JMJD1C: variants seen among roughly 807,000 people sequenced by gnomAD.
The protein encoded by JMJD1C is jumonji domain containing 1C.
A neutral mutation model predicts 245.3 loss-of-function variants in JMJD1C; 31 were observed. The ratio of observed to expected loss-of-function variants is 0.13; its 90% CI spans 0.09 to 0.17. The LOEUF (loss-of-function observed/expected upper bound fraction) is 0.17, where lower values mean the gene tolerates loss of function less well. JMJD1C is among the 10% of genes least tolerant of loss of function. The pLI is 1.00. For synonymous variants in JMJD1C, 1,057 were observed against 1,017.4 expected, an observed-to-expected ratio of 1.04 and a Z score of -0.74; for missense variants, 2,691 against 3,000.2, an observed-to-expected ratio of 0.90 and a Z score of 2.41.
chr10:63,392,073 C>T (rs1260853963), intron 1 of JMJD1C, among the ~76,000 whole-genome samples: 2 of 152,184 alleles, frequency 1.3e-5, no homozygotes, highest in African/African-American at 4.8e-5. Flanking sequence ...CACCGTCTCA[C>T]AGCCAACAGA....
At position 63,404,544 on chromosome 10, in the gene JMJD1C, G is replaced by C. The variant is rs536985585; in HGVS notation, c.169-24062C>G. Among the ~76,000 whole-genome samples, 48 of 152,152 alleles carry C rather than the reference G, an allele frequency of 3.2e-4. 1 individual carries two copies. Among genetic ancestry groups the C allele is most frequent in the South Asian group, 1.0e-3 (5 of 4,826 alleles). ...CTATAGCTACGTGCTAGCATACCCA[G>C]TAAGTATTAAGATATATTTGAGATT... is the stretch of plus-strand genomic sequence containing the variant. On this transcript the variant is annotated intron_variant, in intron 1 of 25. Coordinates refer to ENST00000399262, the MANE Select transcript of JMJD1C (RefSeq NM_032776.3).
chr10:63,266,181 C>T (rs541682776), intron 2 of JMJD1C, among the ~76,000 whole-genome samples: 5 of 151,988 alleles, frequency 3.3e-5, no homozygotes, highest in East Asian at 1.9e-4. Context: ...CACTTATTTT[C>T]GATATTTAAG....
At chr10:63,377,359 A>G (rs1946826094) in intron 2 of JMJD1C, among the ~76,000 whole-genome samples, 1 of 152,192 alleles carries the variant, frequency 6.6e-6, no homozygotes, top group Admixed American at 6.5e-5. Context: ...CTTACTACCA[A>G]TGACCCGTGT....
intron 1 of JMJD1C, among the ~76,000 whole-genome samples, chr10:63,404,114 C>CA (rs779807728): frequency 6.6e-4 from 92 of 139,268 alleles, no homozygotes; most frequent in Admixed American, 8.6e-4. Flanking sequence ...GACTCCATCT[C>CA]AAAAAAAAAA....
At chr10:63,264,447 A>T (rs1277500911) in intron 3 of JMJD1C, among the ~76,000 whole-genome samples, 2 of 152,164 alleles carry the variant, frequency 1.3e-5, no homozygotes, top group Non-Finnish European at 2.9e-5. Context: ...TGCCTGGCTC[A>T]TAGTAGGTTC....
At chr10:63,171,304 C>A (rs1589039995) in intron 24 of JMJD1C, among the ~76,000 whole-genome samples, 1 of 152,188 alleles carries the variant, frequency 6.6e-6, no homozygotes, top group Non-Finnish European at 1.5e-5. Context: ...AGGAGTTTCA[C>A]AGACTGAGTC....
chr10:63,421,180 C>G (rs189999480), intron 1 of JMJD1C, among the ~76,000 whole-genome samples: 79 of 151,938 alleles, frequency 5.2e-4, no homozygotes, highest in Non-Finnish European at 7.8e-4. Context: ...ACTAAAAATA[C>G]AAAATTAGCC....
intron 1 of JMJD1C, among the ~76,000 whole-genome samples, chr10:63,486,957 C>G (rs1229770606): frequency 6.6e-6 from 1 of 152,160 alleles, no homozygotes; most frequent in Non-Finnish European, 1.5e-5. Flanking sequence ...GGCTTAAAAG[C>G]TAACTTGCCA....
chr10:63,226,714 CAAAA>C (rs35375607), intron 3 of JMJD1C, among the ~76,000 whole-genome samples: 1 of 84,908 alleles, frequency 1.2e-5, no homozygotes, highest in Non-Finnish European at 2.1e-5. Context: ...AACCCTGTTT[CAAAA>C]AAAAAAAAAA....
chr10:63,184,048 C>T (rs1475773904), intron 21 of JMJD1C, among the ~76,000 whole-genome samples: 1 of 76,864 alleles, frequency 1.3e-5, no homozygotes, highest in Non-Finnish European at 4.3e-5. Flanking sequence ...CTGCCTCAGC[C>T]TCCTGATAGC....
In JMJD1C at chr10:63,176,359, T is replaced by C. The variant is rs769382416; in HGVS notation, c.7339A>G (p.Thr2447Ala). ...QRLLEEYGVR[T>A]CTLIQFLGDA... The stretch of plus-strand genomic sequence containing the variant: ...CCAAGGAACTGAATAAGAGTACAGG[T>C]TCTGACTCCATATTCTTCAAGCAGC... The change falls in exon 24 of 26, where the codon ACC (threonine) becomes GCC (alanine). Residue 2447 changes from threonine to alanine, a missense_variant. By Grantham distance (58) the Thr-to-Ala change is moderately conservative. Coordinates refer to ENST00000399262, the MANE Select transcript of JMJD1C (RefSeq NM_032776.3). 11 of 1,613,954 alleles carry C rather than the reference T, an allele frequency of 6.8e-6. No homozygotes were observed. The highest frequency in any genetic ancestry group is 9.3e-6 in the Non-Finnish European group (11 of 1,179,928).
chr10:63,347,921 G>C (rs1943997474), intron 2 of JMJD1C, among the ~76,000 whole-genome samples: 1 of 151,808 alleles, frequency 6.6e-6, no homozygotes, highest in South Asian at 2.1e-4. Flanking sequence ...CTCAAAACAA[G>C]AGAAATTACC....
intron 3 of JMJD1C, among the ~76,000 whole-genome samples, chr10:63,258,255 AT>A (rs1854229101): frequency 6.6e-6 from 1 of 152,248 alleles, no homozygotes. Flanking sequence ...TAGCTAACAA[AT>A]GCTAAAGGTA....
At chr10:63,497,090 A>G (rs1444978321) in intron 1 of JMJD1C, among the ~76,000 whole-genome samples, 2 of 152,150 alleles carry the variant, frequency 1.3e-5, no homozygotes, top group African/African-American at 4.8e-5. Flanking sequence ...AATGAGAGAA[A>G]TGTTATATTA....
rs1459137228 is a variant in JMJD1C, at chr10:63,401,993, G to A, written c.169-21511C>T. 3.3e-5 allele frequency among the ~76,000 whole-genome samples: 5 copies of A among 151,972 alleles called. No individual in the cohort carries two copies. The East Asian group carries it at 9.6e-4, about 29-fold the overall frequency. On this transcript the variant is annotated intron_variant, in intron 1 of 25. Transcript: ENST00000399262. ...CTACTAAAAATACAAAATTAGCCAGGCGTGGTGGTGCATGCCTGTAATGTC... is the reference window on the plus strand; with the variant it reads ...CTACTAAAAATACAAAATTAGCCAGACGTGGTGGTGCATGCCTGTAATGTC...
At chr10:63,361,462 T>C (rs1280118404) in intron 2 of JMJD1C, among the ~76,000 whole-genome samples, 1 of 152,148 alleles carries the variant, frequency 6.6e-6, no homozygotes. Flanking sequence ...AACAACTTGA[T>C]ACTTGTATAC....
intron 3 of JMJD1C, among the ~76,000 whole-genome samples, chr10:63,236,021 T>C (rs1452095847): frequency 6.6e-6 from 1 of 152,210 alleles, no homozygotes; most frequent in African/African-American, 2.4e-5. Flanking sequence ...AAATAGATTA[T>C]ATAATTTATG....
chr10:63,358,315 T>C lies in JMJD1C; in HGVS notation c.333+22003A>G, dbSNP rs191315329. ...TAGAAATCCTGAGAAATCTAAACAT[T>C]CTGTTAAATTCTAGTAAATGGCAAC... On this transcript the variant is annotated intron_variant, in intron 2 of 25. Coordinates refer to ENST00000399262, the MANE Select transcript of JMJD1C (RefSeq NM_032776.3). Among the ~76,000 whole-genome samples the C allele has an allele frequency of 1.7e-3, 253 of 152,090 alleles. 2 individuals carry two copies. The highest frequency in any genetic ancestry group is 5.9e-3 in the African/African-American group (246 of 41,484).
chr10:63,200,389 C>A, intron 11 of JMJD1C, 87 bp downstream of exon 11: 1 of 964,482 alleles, frequency 1.0e-6, no homozygotes, highest in Non-Finnish European at 1.6e-6. Context: ...ACTCCCCCAT[C>A]CAAAAGGGAC....
Sources: gnomAD v4.1 joint callset for allele counts (sites outside exome capture counted in the v4.1 genomes callset) on GRCh38, gnomAD v4.1.1 for gene constraint, MANE v1.5 for transcripts, NCBI Gene and HGNC (gene_info 2026-07-23, HGNC 2026-07-21) for gene names.